The following PTPRM variants were observed in gnomAD, a reference collection of about 807,000 sequenced individuals.
The protein encoded by PTPRM is receptor-type tyrosine-protein phosphatase mu.
A neutral mutation model predicts 186.7 loss-of-function variants in PTPRM; 47 were observed. That is an observed-to-expected ratio of 0.25 (90% CI 0.20 to 0.32). The LOEUF (loss-of-function observed/expected upper bound fraction) is 0.32, where lower values mean the gene tolerates loss of function less well. PTPRM is among the 10% of genes least tolerant of loss of function. PTPRM has a pLI of 1.00. For synonymous variants in PTPRM, 668 were observed against 674.9 expected (o/e 0.99, Z 0.16); for missense variants, 1,494 against 1,865.0 (o/e 0.80, Z 3.66).
chr18:8,178,741 C>T (rs1037791791), intron 14 of PTPRM, among the ~76,000 whole-genome samples: 3 of 152,158 alleles, frequency 2.0e-5, no homozygotes, highest in East Asian at 1.9e-4. Context: ...GAGCCAAGAT[C>T]GCATCACTGC....
intron 19 of PTPRM, among the ~76,000 whole-genome samples, chr18:8,293,938 T>C (rs1410631832): frequency 6.6e-6 from 1 of 152,170 alleles, no homozygotes; most frequent in East Asian, 1.9e-4. Flanking sequence ...TTTATATTAG[T>C]CCATTCTCAT....
At chr18:7,598,993 C>T (rs1025622382) in intron 1 of PTPRM, among the ~76,000 whole-genome samples, 2 of 151,848 alleles carry the variant, frequency 1.3e-5, no homozygotes, top group Admixed American at 6.6e-5. Flanking sequence ...AAGATATTTT[C>T]GTTCATTCTA....
At chr18:7,676,864 GGTGA>G (rs2144536158) in intron 1 of PTPRM, among the ~76,000 whole-genome samples, 1 of 152,242 alleles carries the variant, frequency 6.6e-6, no homozygotes, top group East Asian at 1.9e-4. Context: ...ATTTTAAAAA[GGTGA>G]GTATGTTTTT....
rs201771703 is a variant in PTPRM, at chr18:8,085,652, C to G, written c.1552-19C>G. The G allele has an allele frequency of 9.6e-6, 15 of 1,563,626 alleles. No individual in the cohort carries two copies. The African/African-American group carries it at 1.9e-4, about 20-fold the overall frequency. ...TCCATCTGCTCCAGATATTTTATCACTTTCTCATTCTTTTGCAGATCACCT... is the reference window on the plus strand; with the variant it reads ...TCCATCTGCTCCAGATATTTTATCAGTTTCTCATTCTTTTGCAGATCACCT... On this transcript the variant is annotated intron_variant, in intron 9 of 32. Coordinates refer to ENST00000580170, the MANE Select transcript of PTPRM (RefSeq NM_001105244.2).
At chr18:7,981,977 G>A (rs1010739722) in intron 7 of PTPRM, among the ~76,000 whole-genome samples, 16 of 152,110 alleles carry the variant, frequency 1.1e-4, no homozygotes, top group African/African-American at 3.9e-4. Context: ...AGTTGCTCTG[G>A]GTGTCAGGGA....
intron 1 of PTPRM, among the ~76,000 whole-genome samples, chr18:7,729,785 A>G (rs2040620335): frequency 6.6e-6 from 1 of 151,932 alleles, no homozygotes; most frequent in Non-Finnish European, 1.5e-5. Context: ...TTGAAGGATT[A>G]AAAAAAACTA....
intron 14 of PTPRM, among the ~76,000 whole-genome samples, chr18:8,205,997 A>T (rs1427177293): frequency 6.6e-6 from 1 of 152,142 alleles, no homozygotes; most frequent in Non-Finnish European, 1.5e-5. Context: ...AACCTAATGG[A>T]TCTCATAAGA....
intron 3 of PTPRM, among the ~76,000 whole-genome samples, chr18:7,903,613 A>G (rs1379633920): frequency 4.6e-5 from 7 of 152,254 alleles, no homozygotes; most frequent in Admixed American, 1.3e-4. Flanking sequence ...ATCCGTGCAT[A>G]TCTTCCTTTC....
At chr18:8,077,086 A>C (rs1250357557) in intron 9 of PTPRM, among the ~76,000 whole-genome samples, 1 of 152,176 alleles carries the variant, frequency 6.6e-6, no homozygotes, top group Non-Finnish European at 1.5e-5. Context: ...CAAATGGTTG[A>C]ATGATAGATA....
At chr18:7,764,865 G>A (rs1263437896) in intron 1 of PTPRM, among the ~76,000 whole-genome samples, 1 of 152,074 alleles carries the variant, frequency 6.6e-6, no homozygotes, top group Non-Finnish European at 1.5e-5. Flanking sequence ...CTGCTTCTAC[G>A]ATAGAGGCAG....
chr18:7,716,613 G>T (rs2040338077), intron 1 of PTPRM, among the ~76,000 whole-genome samples: 1 of 151,936 alleles, frequency 6.6e-6, no homozygotes. Context: ...TCTAGAATCT[G>T]CAAAGTACTT....
At chr18:7,596,846 CT>C (rs964930075) in intron 1 of PTPRM, among the ~76,000 whole-genome samples, 29 of 149,412 alleles carry the variant, frequency 1.9e-4, no homozygotes, top group South Asian at 6.4e-4. Context: ...CTTCATTTAT[CT>C]TTTTTTTTTC....
At chr18:7,704,905 A>G (rs1263227252) in intron 1 of PTPRM, among the ~76,000 whole-genome samples, 1 of 152,162 alleles carries the variant, frequency 6.6e-6, no homozygotes, top group Non-Finnish European at 1.5e-5. Context: ...GATTTACATT[A>G]TTCAATTTTT....
At chr18:7,790,909 T>TA (rs548803611) in intron 2 of PTPRM, among the ~76,000 whole-genome samples, 2,708 of 147,402 alleles carry the variant, frequency 0.018, 18 homozygotes, top group Non-Finnish European at 0.026. Context: ...AAGTTGGTTT[T>TA]AAAAAAAAAA....
intron 19 of PTPRM, among the ~76,000 whole-genome samples, chr18:8,258,197 A>C (rs2094592763): frequency 6.6e-6 from 1 of 152,176 alleles, no homozygotes; most frequent in Non-Finnish European, 1.5e-5. Flanking sequence ...TGTTGCTGTG[A>C]GAGAAGAGCT....
intron 4 of PTPRM, among the ~76,000 whole-genome samples, chr18:7,907,173 A>G (rs1436709853): frequency 6.6e-6 from 1 of 152,248 alleles, no homozygotes; most frequent in African/African-American, 2.4e-5. Flanking sequence ...TCATATTTGT[A>G]TGTGAACCTT....
chr18:7,902,036 G>A (rs2049719093), intron 3 of PTPRM, among the ~76,000 whole-genome samples: 1 of 152,296 alleles, frequency 6.6e-6, no homozygotes, highest in African/African-American at 2.4e-5. Context: ...TATATATTAT[G>A]TATTAATTTT....
chr18:7,678,041 G>C (rs2144547250), intron 1 of PTPRM, among the ~76,000 whole-genome samples: 1 of 152,228 alleles, frequency 6.6e-6, no homozygotes, highest in East Asian at 1.9e-4. Context: ...ACTGAATGAA[G>C]GAGTCATAGG....
At chr18:7,682,459 C>A (rs921500687) in intron 1 of PTPRM, among the ~76,000 whole-genome samples, 6 of 152,222 alleles carry the variant, frequency 3.9e-5, no homozygotes, top group African/African-American at 1.4e-4. Context: ...AAGTTTCACT[C>A]ATTTCTGCTC....
Sources: gnomAD v4.1 joint callset for allele counts (sites outside exome capture counted in the v4.1 genomes callset) on GRCh38, gnomAD v4.1.1 for gene constraint, MANE v1.5 for transcripts, NCBI Gene and HGNC (gene_info 2026-07-23, HGNC 2026-07-21) for gene names.